The following PELI2 variants were observed in gnomAD, a reference collection of about 807,000 sequenced individuals.
PELI2 encodes the protein pellino E3 ubiquitin protein ligase family member 2.
A neutral mutation model predicts 42.3 loss-of-function variants in PELI2; 23 were observed. The ratio of observed to expected loss-of-function variants is 0.54; its 90% CI spans 0.39 to 0.77. PELI2 has a LOEUF of 0.77. PELI2 is among the 30% of genes least tolerant of loss of function. PELI2 has a pLI of 0.00. For missense variants in PELI2, 463 were observed against 553.2 expected, an observed-to-expected ratio of 0.84 and a Z score of 1.64; for synonymous variants, 245 against 212.2, an observed-to-expected ratio of 1.15 and a Z score of -1.34.
chr14:56,221,753 T>C (rs995091217), intron 2 of PELI2, among the ~76,000 whole-genome samples: 1 of 152,256 alleles, frequency 6.6e-6, no homozygotes, highest in Admixed American at 6.5e-5. Context: ...AAATAGTTGA[T>C]AATTTAAATG....
chr14:56,273,990 C>T lies in PELI2; in HGVS notation c.208-5686C>T, dbSNP rs1283735019. ...CACGTTGCAAGGTGGTCTACTTCAG[C>T]TCCAAACATCATGTCATATTTTAGT... On this transcript the variant is annotated intron_variant, in intron 2 of 5. Transcript: ENST00000267460. This position sits in a 1 kb window ranked among gnomAD's most constrained non-coding sequence, Gnocchi z 4.3. 6.6e-6 allele frequency among the ~76,000 whole-genome samples: 1 copy of T among 152,180 alleles called. No individual in the cohort carries two copies. Among genetic ancestry groups the T allele is most frequent in the Admixed American group, 6.5e-5 (1 of 15,282 alleles).
At chr14:56,208,681 G>A (rs1336390574) in intron 2 of PELI2, among the ~76,000 whole-genome samples, 2 of 152,130 alleles carry the variant, frequency 1.3e-5, no homozygotes, top group Non-Finnish European at 1.5e-5. Context: ...GAGTACTCAC[G>A]AGTTTTTATT....
At position 56,297,198 on chromosome 14, in the gene PELI2, CAG is replaced by C; in HGVS notation, c.*33_*34del. 1 of 1,472,938 alleles carries C rather than the reference CAG, an allele frequency of 6.8e-7. No individual in the cohort carries two copies. The highest frequency in any genetic ancestry group is 9.3e-7 in the Non-Finnish European group (1 of 1,080,646). The allele number at this position is 1,472,938 out of a possible 1,614,324, so 91.2% of individuals were successfully genotyped here. A position where few individuals can be genotyped will look rare whatever the true frequency, so the allele number is the denominator to read the frequency against. On this transcript the variant is annotated 3_prime_UTR_variant, in exon 6 of 6. Transcript: ENST00000267460. ...TGACAGCCATCTACGACTTTATTAA[CAG>C]GTTACTGTGAAGATTTTGCCACTAA...
intron 1 of PELI2, among the ~76,000 whole-genome samples, chr14:56,177,194 G>T (rs1885413773): frequency 6.6e-6 from 1 of 152,200 alleles, no homozygotes; most frequent in African/African-American, 2.4e-5. Flanking sequence ...CTGTGACGCT[G>T]ACTTGACTGG....
chr14:56,266,074 A>C (rs1415781328), intron 2 of PELI2, among the ~76,000 whole-genome samples: 1 of 152,064 alleles, frequency 6.6e-6, no homozygotes. Flanking sequence ...GCATATGCTG[A>C]AAACAAACTA....
intron 2 of PELI2, among the ~76,000 whole-genome samples, chr14:56,239,732 G>A (rs1411940030): frequency 6.6e-6 from 1 of 152,120 alleles, no homozygotes; most frequent in Middle Eastern, 3.2e-3. Context: ...GAAGGGACAC[G>A]ACCCCTCAAA....
intron 2 of PELI2, among the ~76,000 whole-genome samples, chr14:56,205,071 G>A (rs1049989260): frequency 6.6e-6 from 1 of 151,924 alleles, no homozygotes; most frequent in Non-Finnish European, 1.5e-5. Context: ...TTAAAACCAG[G>A]TAGTGGGTAG....
intron 5 of PELI2, among the ~76,000 whole-genome samples, chr14:56,293,225 A>ATTT (rs1344597142): frequency 6.6e-6 from 1 of 152,176 alleles, no homozygotes; most frequent in Non-Finnish European, 1.5e-5. Flanking sequence ...GATAGTTGCT[A>ATTT]TGTAGGGGCC....
chr14:56,138,099 C>G lies in PELI2; in HGVS notation c.77+19362C>G, dbSNP rs547982846. ...GCTGCATGCCTTACCTCTCCCCAGCCCGCTCTCGCTGCACCGGCTTGCCAC... is the reference window on the plus strand; with the variant it reads ...GCTGCATGCCTTACCTCTCCCCAGCGCGCTCTCGCTGCACCGGCTTGCCAC... On this transcript the variant is annotated intron_variant, in intron 1 of 5. Coordinates refer to ENST00000267460, the MANE Select transcript of PELI2 (RefSeq NM_021255.3). Among the ~76,000 whole-genome samples, 50 of 152,328 alleles carry G rather than the reference C, an allele frequency of 3.3e-4. No individual in the cohort carries two copies. In the East Asian group the frequency reaches 9.5e-3, roughly 29 times the overall value.
chr14:56,202,047 G>A (rs1475056818), intron 2 of PELI2, among the ~76,000 whole-genome samples: 2 of 152,222 alleles, frequency 1.3e-5, no homozygotes. Flanking sequence ...GCACAGAGAT[G>A]CATGAGACAA....
rs201827998 is a variant in PELI2, at chr14:56,183,438, G to GA, written c.207+4982dup. 6.4e-3 allele frequency among the ~76,000 whole-genome samples: 979 copies of GA among 151,944 alleles called. 14 individuals are homozygous for GA. The highest frequency in any genetic ancestry group is 0.023 in the African/African-American group (935 of 41,448). Reference sequence around the variant, plus strand: ...ATCTGAGAGTTTTGACAAGGCAAAGGAAAAAAAATTTACGAAGTATCAATA... The same window carrying GA: ...ATCTGAGAGTTTTGACAAGGCAAAGGAAAAAAAAATTTACGAAGTATCAATA... On this transcript the variant is annotated intron_variant, in intron 2 of 5. Transcript: ENST00000267460.
intron 2 of PELI2, among the ~76,000 whole-genome samples, chr14:56,245,131 A>G (rs116051429): frequency 0.015 from 2,211 of 152,350 alleles, 56 homozygotes; most frequent in African/African-American, 0.051. Flanking sequence ...TAGGTTTCCA[A>G]TAAATTCCAA....
At position 56,197,326 on chromosome 14, in the gene PELI2, G is replaced by T. The variant is rs1047508639; in HGVS notation, c.207+18862G>T. ...AGTTTAGTCTTGCAAACAGAGAGGGGCAGAAGTGTAACTGTCAGCATATTC... is the reference window on the plus strand; with the variant it reads ...AGTTTAGTCTTGCAAACAGAGAGGGTCAGAAGTGTAACTGTCAGCATATTC... On this transcript the variant is annotated intron_variant, in intron 2 of 5. Transcript: ENST00000267460. The surrounding 1 kb of genome is among the most constrained non-coding windows in gnomAD (Gnocchi z 4.9). Among the ~76,000 whole-genome samples the T allele has an allele frequency of 2.6e-5, 4 of 152,180 alleles. No homozygotes were observed. Among genetic ancestry groups the T allele is most frequent in the Non-Finnish European group, 5.9e-5 (4 of 68,028 alleles).
intron 2 of PELI2, among the ~76,000 whole-genome samples, chr14:56,235,118 G>C (rs1375094673): frequency 3.3e-5 from 5 of 152,004 alleles, no homozygotes. Context: ...GTATTAGCTT[G>C]GTGCAAAGGT....
intron 2 of PELI2, among the ~76,000 whole-genome samples, chr14:56,268,745 G>C (rs887251360): frequency 2.5e-4 from 38 of 152,156 alleles, no homozygotes; most frequent in Non-Finnish European, 5.9e-5. Context: ...CCTTACTGCA[G>C]GATCAGTCCC....
chr14:56,273,381 C>T lies in PELI2; in HGVS notation c.208-6295C>T, dbSNP rs1488815877. Among the ~76,000 whole-genome samples, 1 of 152,202 alleles carries T rather than the reference C, an allele frequency of 6.6e-6. No homozygotes were observed. Among genetic ancestry groups the T allele is most frequent in the African/African-American group, 2.4e-5 (1 of 41,448 alleles). ...TCCCATGTGTCACATCCACGGCATT[C>T]TCTTGGTCATTGAGCAAGCTACTGA... On this transcript the variant is annotated intron_variant, in intron 2 of 5. Transcript: ENST00000267460. The surrounding 1 kb of genome is among the most constrained non-coding windows in gnomAD (Gnocchi z 4.3).
chr14:56,213,915 GA>G (rs1364549229), intron 2 of PELI2, among the ~76,000 whole-genome samples: 1 of 151,968 alleles, frequency 6.6e-6, no homozygotes, highest in Non-Finnish European at 1.5e-5. Context: ...GCAGTGGCGT[GA>G]TCTCGGCTCG....
chr14:56,155,639 T>C (rs549416129), intron 1 of PELI2, among the ~76,000 whole-genome samples: 116 of 151,574 alleles, frequency 7.7e-4, no homozygotes, highest in African/African-American at 2.7e-3. Flanking sequence ...TGGAGTGCAG[T>C]GGCGCGATCT....
chr14:56,259,208 G>T (rs971449196), intron 2 of PELI2, among the ~76,000 whole-genome samples: 6 of 152,106 alleles, frequency 3.9e-5, no homozygotes, highest in African/African-American at 1.4e-4. Context: ...ACACCTGCAC[G>T]ACAAAAAATG....
Sources: gnomAD v4.1 joint callset for allele counts (sites outside exome capture counted in the v4.1 genomes callset) on GRCh38, gnomAD v4.1.1 for gene constraint, Gnocchi (gnomAD v3.1) non-coding constraint, MANE v1.5 for transcripts, NCBI Gene and HGNC (gene_info 2026-07-23, HGNC 2026-07-21) for gene names.